EPB41L3: variants seen among roughly 807,000 people sequenced by gnomAD.
The protein encoded by EPB41L3 is band 4.1-like protein 3.
EPB41L3 carries 57 observed loss-of-function variants against 127.1 expected under a neutral mutation model. The observed-to-expected ratio is 0.45, with a 90% CI of 0.36 to 0.56. The LOEUF is 0.56. Among genes scored for constraint, EPB41L3 ranks in the 20% least tolerant of loss-of-function variants. The pLI is 0.00. For synonymous variants in EPB41L3, 572 were observed against 549.5 expected (o/e 1.04, Z -0.57); for missense variants, 1,273 against 1,372.2 (o/e 0.93, Z 1.14).
intron 2 of EPB41L3, among the ~76,000 whole-genome samples, chr18:5,488,496 T>C (rs1359349966): frequency 1.3e-5 from 2 of 151,896 alleles, no homozygotes; most frequent in Admixed American, 6.6e-5. Context: ...CAAACCACCA[T>C]GGCACGTGTA....
intron 1 of EPB41L3, among the ~76,000 whole-genome samples, chr18:5,627,710 GACTCTGGGAATAAAAGAATGAGA>G (rs369649764): frequency 2.1e-3 from 314 of 152,274 alleles, no homozygotes; most frequent in Middle Eastern, 0.021. Flanking sequence ...CTAAATGCCA[GACTCTGGGAATAAAAGAATGAGA>G]AAGAGCCCTG....
chr18:5,479,425 T>A (rs2147946731), intron 2 of EPB41L3, among the ~76,000 whole-genome samples: 1 of 152,358 alleles, frequency 6.6e-6, no homozygotes, highest in East Asian at 1.9e-4. Context: ...GCTCGAAAAG[T>A]AAAAACAATA....
At chr18:5,601,028 T>TA (rs2094585365) in intron 3 of EPB41L3, among the ~76,000 whole-genome samples, 2 of 152,112 alleles carry the variant, frequency 1.3e-5, no homozygotes, top group African/African-American at 4.8e-5. Context: ...CAACAGCTCT[T>TA]AAAAAACACC....
At chr18:5,611,770 A>T (rs769318400) in intron 3 of EPB41L3, among the ~76,000 whole-genome samples, 60 of 151,968 alleles carry the variant, frequency 3.9e-4, no homozygotes, top group Non-Finnish European at 7.7e-4. Flanking sequence ...TCTACAAAAA[A>T]TTTTTAAAAA....
intron 13 of EPB41L3, among the ~76,000 whole-genome samples, chr18:5,414,730 A>C (rs2076590966): frequency 6.6e-6 from 1 of 152,192 alleles, no homozygotes; most frequent in Admixed American, 6.5e-5. Flanking sequence ...CTCTGGTGGC[A>C]GCTTCTATTA....
upstream of EPB41L3, among the ~76,000 whole-genome samples, chr18:5,629,415 C>CACA (rs1555828630): frequency 4.2e-5 from 6 of 143,840 alleles, no homozygotes; most frequent in South Asian, 6.9e-4. Context: ...TCCTTACACA[C>CACA]CACACACACA....
At chr18:5,446,608 CTG>C (rs1198686406) in intron 3 of EPB41L3, among the ~76,000 whole-genome samples, 1 of 152,114 alleles carries the variant, frequency 6.6e-6, no homozygotes, top group African/African-American at 2.4e-5. Context: ...TTCAAAAGAC[CTG>C]TGAGTCGTGT....
At chr18:5,619,416 G>C (rs926369538) in intron 1 of EPB41L3, among the ~76,000 whole-genome samples, 1 of 151,570 alleles carries the variant, frequency 6.6e-6, no homozygotes, top group African/African-American at 2.4e-5. Flanking sequence ...TATACTTTTA[G>C]CCAGAGAAAT....
intron 3 of EPB41L3, among the ~76,000 whole-genome samples, chr18:5,596,007 T>G (rs1692737894): frequency 6.6e-6 from 1 of 152,206 alleles, no homozygotes; most frequent in South Asian, 2.1e-4. Flanking sequence ...AATTTAAAAT[T>G]CACTGCTCTA....
intron 5 of EPB41L3, among the ~76,000 whole-genome samples, chr18:5,440,268 A>G (rs1334764463): frequency 1.3e-5 from 2 of 152,234 alleles, no homozygotes; most frequent in Non-Finnish European, 2.9e-5. Flanking sequence ...CCCTAAGGTT[A>G]TAACACACAA....
At chr18:5,553,855 C>T (rs1394998081) in intron 3 of EPB41L3, among the ~76,000 whole-genome samples, 1 of 152,220 alleles carries the variant, frequency 6.6e-6, no homozygotes, top group Admixed American at 6.5e-5. Flanking sequence ...GATCACGTCA[C>T]TCTTGTTCAA....
At chr18:5,424,826 G>A (rs1268853321) in intron 9 of EPB41L3, among the ~76,000 whole-genome samples, 1 of 152,140 alleles carries the variant, frequency 6.6e-6, no homozygotes, top group Non-Finnish European at 1.5e-5. Context: ...GGAAATATGT[G>A]TATTTCTTAG....
At chr18:5,429,986 A>C (rs1309472475) in intron 8 of EPB41L3, among the ~76,000 whole-genome samples, 2 of 152,086 alleles carry the variant, frequency 1.3e-5, no homozygotes, top group Non-Finnish European at 2.9e-5. Context: ...TCTTTGACTC[A>C]TTTTCTTTTT....
intron 3 of EPB41L3, among the ~76,000 whole-genome samples, chr18:5,593,400 G>A (rs1189721313): frequency 5.9e-5 from 9 of 152,108 alleles, no homozygotes; most frequent in Non-Finnish European, 8.8e-5. Flanking sequence ...CCCCTGAGCC[G>A]TAAAACCAGC....
intron 3 of EPB41L3, among the ~76,000 whole-genome samples, chr18:5,465,897 A>G (rs1417635983): frequency 6.6e-6 from 1 of 152,048 alleles, no homozygotes; most frequent in East Asian, 1.9e-4. Context: ...CTGTTAGGGT[A>G]TCTACATTCT....
At chr18:5,441,538 T>TCA (rs1298302722) in intron 5 of EPB41L3, among the ~76,000 whole-genome samples, 9 of 150,794 alleles carry the variant, frequency 6.0e-5, no homozygotes, top group African/African-American at 2.2e-4. Flanking sequence ...CGATCTCGAC[T>TCA]CACTGCAAGC....
At chr18:5,546,052 A>ATGATATCATT (rs1380720236), upstream of EPB41L3, among the ~76,000 whole-genome samples, 1 of 152,192 alleles carries the variant, frequency 6.6e-6, no homozygotes, top group Admixed American at 6.5e-5. Context: ...ATCATTCAAG[A>ATGATATCATT]CACAGATGGC....
intron 1 of EPB41L3, among the ~76,000 whole-genome samples, chr18:5,509,307 G>A (rs759576178): frequency 6.6e-6 from 1 of 152,214 alleles, no homozygotes; most frequent in Non-Finnish European, 1.5e-5. Flanking sequence ...TTGAGTTGGA[G>A]AATTGCATCT....
chr18:5,484,949 A>G (rs927012006), intron 2 of EPB41L3, among the ~76,000 whole-genome samples: 1 of 151,956 alleles, frequency 6.6e-6, no homozygotes, highest in Non-Finnish European at 1.5e-5. Context: ...TTCAAAAAAA[A>G]AAAATTGGAG....
Sources: gnomAD v4.1 joint callset for allele counts (sites outside exome capture counted in the v4.1 genomes callset) on GRCh38, gnomAD v4.1.1 for gene constraint, MANE v1.5 for transcripts, NCBI Gene and HGNC (gene_info 2026-07-23, HGNC 2026-07-21) for gene names.